C6orf163: variants seen among roughly 807,000 people sequenced by gnomAD.
C6orf163 encodes uncharacterized protein C6orf163.
In C6orf163, 22 loss-of-function variants were observed where a neutral mutation model predicts 28.4. That is an observed-to-expected ratio of 0.78 (90% CI 0.55 to 1.11). C6orf163 has a LOEUF of 1.11. C6orf163 is among the 50% of genes least tolerant of loss of function. The pLI is 0.00. For missense variants in C6orf163, 342 were observed against 389.1 expected (o/e 0.88, Z 1.02); for synonymous variants, 110 against 123.6 (o/e 0.89, Z 0.73).
At chr6:87,352,804 G>A (rs1300356443) in intron 3 of C6orf163, among the ~76,000 whole-genome samples, 1 of 152,076 alleles carries the variant, frequency 6.6e-6, no homozygotes, top group African/African-American at 2.4e-5. Flanking sequence ...TAAGGTACAG[G>A]CAAATTAGGC....
chr6:87,361,451 A>C (rs959595170), intron 4 of C6orf163, among the ~76,000 whole-genome samples: 1 of 152,110 alleles, frequency 6.6e-6, no homozygotes, highest in Non-Finnish European at 1.5e-5. Context: ...GCCTGACTCA[A>C]TTCTGGTAGA....
rs1348673308 is a variant in C6orf163, at chr6:87,356,357, G to C, written c.408G>C (p.Lys136Asn). The change falls in exon 4 of 5, where the codon AAG becomes AAC. Residue 136 changes from lysine to asparagine, a missense_variant. By Grantham distance (94) the Lys-to-Asn change is moderately conservative. Transcript: ENST00000388923. ...ATCAAAACATGGATGACGAAATGAA[G>C]AGAGAGCACTTGGCTGCAGAACAGC... ...EMYQNMDDEM[K>N]REHLAAEQRM... 1 of 1,551,718 alleles carries C rather than the reference G, an allele frequency of 6.4e-7. No individual in the cohort carries two copies. The highest frequency in any genetic ancestry group is 1.2e-5 in the South Asian group (1 of 84,062).
chr6:87,355,585 GA>G (rs1777488194), intron 3 of C6orf163, among the ~76,000 whole-genome samples: 4 of 152,178 alleles, frequency 2.6e-5, no homozygotes, highest in Admixed American at 2.0e-4. Flanking sequence ...ACCTTTAAAT[GA>G]AAGTTTTAAA....
intron 3 of C6orf163, among the ~76,000 whole-genome samples, chr6:87,355,824 T>C (rs1178517167): frequency 6.6e-6 from 1 of 152,114 alleles, no homozygotes; most frequent in Non-Finnish European, 1.5e-5. Context: ...TTGAGCACAA[T>C]TTGTGGCTCT....
intron 4 of C6orf163, among the ~76,000 whole-genome samples, chr6:87,360,210 A>G (rs1777561304): frequency 6.6e-6 from 1 of 152,172 alleles, no homozygotes; most frequent in East Asian, 1.9e-4. Flanking sequence ...GAAAAACCAA[A>G]AAGTACTAAT....
In C6orf163 at chr6:87,356,479, A is replaced by C. The variant is rs766600195; in HGVS notation, c.530A>C (p.Gln177Pro). ...KARAEERHIA[Q>P]EAIQAQKSKA... Reference sequence around the variant, plus strand: ...AGGGCTGAAGAAAGACACATCGCCCAGGAAGCAATCCAGGCCCAGAAAAGG... The same window carrying C: ...AGGGCTGAAGAAAGACACATCGCCCCGGAAGCAATCCAGGCCCAGAAAAGG... The change falls in exon 4 of 5, where the codon CAG becomes CCG. Residue 177 changes from glutamine (Q) to proline (P), a missense_variant. Physicochemically the swap from Gln to Pro is moderately conservative, Grantham distance 76. Coordinates refer to ENST00000388923, the MANE Select transcript of C6orf163 (RefSeq NM_001010868.3). 11 of 1,551,736 alleles carry C rather than the reference A, an allele frequency of 7.1e-6. No individual in the cohort carries two copies. In the South Asian group the frequency reaches 9.5e-5, roughly 13 times the overall value.
At chr6:87,364,789 A>T (rs1466265120) in intron 4 of C6orf163, among the ~76,000 whole-genome samples, 172 bp from the exon 5 acceptor site, 1 of 152,178 alleles carries the variant, frequency 6.6e-6, no homozygotes, top group Non-Finnish European at 1.5e-5. Flanking sequence ...CTGCTCTGAA[A>T]ATGTGTTTTG....
rs1164513309 is a variant in C6orf163, at chr6:87,345,252, G to A, written c.148+5G>A. 1.3e-6 allele frequency: 2 copies of A among 1,514,344 alleles called. No individual in the cohort carries two copies. Among genetic ancestry groups the A allele is most frequent in the Non-Finnish European group, 1.8e-6 (2 of 1,140,250 alleles). The allele number at this position is 1,514,344 out of a possible 1,614,324, so 93.8% of individuals were successfully genotyped here. On this transcript the variant is annotated splice_donor_5th_base_variant and intron_variant, in intron 1 of 4. Transcript: ENST00000388923. ...ACACTCACAAAGACATACTAGGTAA[G>A]TGACTTTATCGTTTTCCTTTGTTCT... is the stretch of plus-strand genomic sequence containing the variant.
intron 3 of C6orf163, among the ~76,000 whole-genome samples, chr6:87,354,428 C>T (rs1431295182): frequency 6.6e-6 from 1 of 152,104 alleles, no homozygotes; most frequent in Non-Finnish European, 1.5e-5. Flanking sequence ...AGTTTTTGGT[C>T]CAGTACAATC....
intron 4 of C6orf163, among the ~76,000 whole-genome samples, chr6:87,363,536 C>G (rs990224822): frequency 1.3e-5 from 2 of 151,834 alleles, no homozygotes; most frequent in Non-Finnish European, 2.9e-5. Flanking sequence ...GTGATGTTCC[C>G]CTTCCTGTGT....
intron 1 of C6orf163, chr6:87,347,897 T>A: frequency 1.0e-6 from 1 of 983,952 alleles, no homozygotes; most frequent in Non-Finnish European, 1.2e-6. Context: ...GGCTCACGCC[T>A]GTAATCCTAG....
intron 4 of C6orf163, chr6:87,358,699 A>G (rs968775037): frequency 8.5e-5 from 13 of 152,100 alleles, no homozygotes; most frequent in African/African-American, 3.1e-4. Flanking sequence ...TTTTGTGGTC[A>G]TGGCTGTAAT....
chr6:87,356,259 T>C (rs1777499696), intron 3 of C6orf163, 42 bp from the exon 4 acceptor site: 1 of 1,508,978 alleles, frequency 6.6e-7, no homozygotes, highest in Non-Finnish European at 9.0e-7. Flanking sequence ...GTTTTAAACA[T>C]TAAGTCTGTA....
At position 87,345,390 on chromosome 6, in the gene C6orf163, A is replaced by G. The variant is rs916479178; in HGVS notation, c.148+143A>G. ...ATATTTGAGGAGAATATGGGTTGGA[A>G]TACAGCTTCTCCACTTACAGTTGTA... On this transcript the variant is annotated intron_variant, in intron 1 of 4. Coordinates refer to ENST00000388923, the MANE Select transcript of C6orf163 (RefSeq NM_001010868.3). 4 of 747,786 alleles carry G rather than the reference A, an allele frequency of 5.3e-6. No homozygotes were observed. In the African/African-American group the frequency reaches 7.3e-5, roughly 14 times the overall value. 46.3% of individuals were successfully genotyped at this position (747,786 alleles called of 1,614,324 possible).
chr6:87,346,631 TAGTG>T (rs1777328034), intron 1 of C6orf163, among the ~76,000 whole-genome samples: 1 of 152,214 alleles, frequency 6.6e-6, no homozygotes, highest in African/African-American at 2.4e-5. Context: ...GTAGAAGAGC[TAGTG>T]AGTATTTCAT....
chr6:87,362,529 G>A (rs959583605), intron 4 of C6orf163, among the ~76,000 whole-genome samples: 5 of 152,084 alleles, frequency 3.3e-5, no homozygotes, highest in African/African-American at 1.2e-4. Context: ...AATTAAATGA[G>A]ATATCGTGCA....
intron 4 of C6orf163, among the ~76,000 whole-genome samples, chr6:87,361,140 C>G (rs1009757676): frequency 1.3e-5 from 2 of 152,026 alleles, no homozygotes; most frequent in South Asian, 2.1e-4. Flanking sequence ...CAAAAATTAG[C>G]TGGGCATGGT....
chr6:87,356,763 G>A (rs1777508959), intron 4 of C6orf163: 1 of 386,940 alleles, frequency 2.6e-6, no homozygotes, highest in Non-Finnish European at 4.7e-6. Flanking sequence ...AAGCTCTCGT[G>A]TGTTCTTCCT....
intron 2 of C6orf163, 80 bp downstream of exon 2, chr6:87,348,986 G>C (rs1777372141): frequency 6.7e-7 from 1 of 1,503,646 alleles, no homozygotes; most frequent in Admixed American, 2.1e-5. Flanking sequence ...CAATTGTATA[G>C]TGTAGTAGTC....
Sources: allele counts gnomAD v4.1 joint callset (sites outside exome capture counted in the v4.1 genomes callset), GRCh38; gene constraint gnomAD v4.1.1; transcripts MANE v1.5; gene names NCBI Gene and HGNC (gene_info 2026-07-23, HGNC 2026-07-21).